Variants in IPCEF1 observed in about 807,000 individuals in gnomAD.
IPCEF1 encodes the protein interaction protein for cytohesin exchange factors 1.
IPCEF1 carries 31 observed loss-of-function variants against 50.9 expected under a neutral mutation model. The observed-to-expected ratio is 0.61, with a 90% confidence interval of 0.46 to 0.82. The LOEUF (loss-of-function observed/expected upper bound fraction) is 0.82. Among genes scored for constraint, IPCEF1 ranks in the 40% least tolerant of loss-of-function variants. IPCEF1 has a pLI of 0.00. For synonymous variants in IPCEF1, 181 were observed against 192.0 expected (o/e 0.94, Z 0.47); for missense variants, 458 against 514.0 (o/e 0.89, Z 1.05).
At chr6:154,309,983 T>C (rs895766960) in intron 1 of IPCEF1, among the ~76,000 whole-genome samples, 12 of 152,096 alleles carry the variant, frequency 7.9e-5, no homozygotes, top group African/African-American at 2.4e-4. Context: ...AGGCTGGTCT[T>C]GAACTCCTGA....
Position 154,180,386 on chromosome 6 carries a change from C to CTATA in IPCEF1, c.911-12277_911-12274dup, listed in dbSNP as rs58975780. Reference sequence around the variant, plus strand: ...TACTGAGCTAGTTTAACAACAACAACTATATATATATATATATATATATAT... The same window carrying CTATA: ...TACTGAGCTAGTTTAACAACAACAACTATATATATATATATATATATATATATAT... On this transcript the variant is annotated intron_variant, in intron 10 of 11. Coordinates refer to ENST00000367220, the MANE Select transcript of IPCEF1 (RefSeq NM_001130700.2). 9.4e-3 allele frequency among the ~76,000 whole-genome samples: 826 copies of CTATA among 88,164 alleles called. 3 individuals are homozygous for CTATA. Among genetic ancestry groups the CTATA allele is most frequent in the Middle Eastern group, 0.037 (6 of 160 alleles). The allele number at this position is 88,164 out of a possible 152,430, so 57.8% of individuals were successfully genotyped here.
chr6:154,183,058 C>T (rs1583730744), intron 10 of IPCEF1, among the ~76,000 whole-genome samples: 1 of 152,064 alleles, frequency 6.6e-6, no homozygotes, highest in African/African-American at 2.4e-5. Flanking sequence ...CAGCTCACTG[C>T]AACCTCTGCC....
intron 1 of IPCEF1, among the ~76,000 whole-genome samples, chr6:154,294,335 G>A (rs1338831409): frequency 6.6e-6 from 1 of 152,130 alleles, no homozygotes; most frequent in African/African-American, 2.4e-5. Context: ...ATCAAACTAT[G>A]TAACCACTTG....
intron 1 of IPCEF1, among the ~76,000 whole-genome samples, chr6:154,318,350 A>C (rs542138112): frequency 6.6e-6 from 1 of 152,320 alleles, no homozygotes; most frequent in South Asian, 2.1e-4. Flanking sequence ...CAATAAAATA[A>C]TTTAGGTCAC....
At chr6:154,200,175 A>G (rs1776948733) in intron 9 of IPCEF1, 135 bp from the exon 10 acceptor site, 5 of 766,124 alleles carry the variant, frequency 6.5e-6, no homozygotes, top group Non-Finnish European at 1.0e-5. Context: ...GTCAAAAGGT[A>G]AAGATATGAT....
At chr6:154,208,456 A>C (rs552169505) in intron 9 of IPCEF1, among the ~76,000 whole-genome samples, 1 of 152,198 alleles carries the variant, frequency 6.6e-6, no homozygotes, top group South Asian at 2.1e-4. Context: ...ATCCTGACTC[A>C]CTGGACTCCA....
chr6:154,159,761 A>C lies in IPCEF1; in HGVS notation c.*67T>G, dbSNP rs113844675. ...CAGTTTTCCTTTTAAGGAAAAATGT[A>C]AGCTTTTGCAACATCTTGAAGAGTT... On this transcript the variant is annotated 3_prime_UTR_variant, in exon 12 of 12. Transcript: ENST00000367220. 2.9e-3 allele frequency: 3,639 copies of C among 1,270,546 alleles called. 5 individuals carry two copies. Among genetic ancestry groups the C allele is most frequent in the Non-Finnish European group, 3.8e-3 (3,410 of 895,756 alleles). 78.7% of individuals were successfully genotyped at this position (1,270,546 alleles called of 1,614,324 possible).
intron 1 of IPCEF1, among the ~76,000 whole-genome samples, chr6:154,354,485 T>TCGC: frequency 2.1e-5 from 3 of 143,354 alleles, no homozygotes; most frequent in African/African-American, 7.9e-5. Flanking sequence ...ACCTCCACCA[T>TCGC]CTCTACCGTC....
chr6:154,272,141 C>T (rs1051631904), intron 2 of IPCEF1, among the ~76,000 whole-genome samples: 3 of 152,186 alleles, frequency 2.0e-5, no homozygotes, highest in African/African-American at 7.2e-5. Context: ...ATAACCAACT[C>T]ATAAGGTGTT....
chr6:154,173,129 C>T (rs1800013292), intron 10 of IPCEF1, among the ~76,000 whole-genome samples: 1 of 152,180 alleles, frequency 6.6e-6, no homozygotes, highest in Non-Finnish European at 1.5e-5. Context: ...TCAACATCAA[C>T]AAAAAGGAAG....
At chr6:154,351,152 G>A (rs992575960) in intron 1 of IPCEF1, among the ~76,000 whole-genome samples, 1 of 152,166 alleles carries the variant, frequency 6.6e-6, no homozygotes, top group Non-Finnish European at 1.5e-5. Context: ...TTTGATCTGC[G>A]GTGTTCCCGC....
rs763374684 is a variant in IPCEF1 at position 154,155,928 on chromosome 6, T to G, written c.*3900A>C. 2 of 152,242 alleles carry G rather than the reference T, an allele frequency of 1.3e-5. No homozygotes were observed. Among genetic ancestry groups the G allele is most frequent in the Non-Finnish European group, 1.5e-5 (1 of 68,032 alleles). 9.4% of individuals were successfully genotyped at this position (152,242 alleles called of 1,614,324 possible). On this transcript the variant is annotated 3_prime_UTR_variant, in exon 12 of 12. Transcript: ENST00000367220. ...TCATCTCTGTGACATTGTTTGTGACTGGAGTGCTACCTGAGTAAATTATCA... is the reference window on the plus strand; with the variant it reads ...TCATCTCTGTGACATTGTTTGTGACGGGAGTGCTACCTGAGTAAATTATCA...
chr6:154,296,215 C>T (rs192491223), intron 1 of IPCEF1, among the ~76,000 whole-genome samples: 3 of 152,088 alleles, frequency 2.0e-5, no homozygotes, highest in African/African-American at 4.8e-5. Context: ...AAGGGGTGCT[C>T]TTGTTGGGTT....
intron 2 of IPCEF1, among the ~76,000 whole-genome samples, chr6:154,281,106 G>A (rs1322212094): frequency 2.0e-5 from 3 of 150,408 alleles, no homozygotes; most frequent in African/African-American, 4.9e-5. Flanking sequence ...TTGGGAGGCC[G>A]AGGTGGGTGG....
chr6:154,237,526 A>G (rs781651938), intron 5 of IPCEF1, among the ~76,000 whole-genome samples: 1 of 152,244 alleles, frequency 6.6e-6, no homozygotes, highest in Non-Finnish European at 1.5e-5. Context: ...TTGTTTGTAT[A>G]CATTCCTTTG....
chr6:154,250,802 A>G (rs1781319213), intron 3 of IPCEF1, among the ~76,000 whole-genome samples: 1 of 152,248 alleles, frequency 6.6e-6, no homozygotes, highest in Non-Finnish European at 1.5e-5. Context: ...AGCAAAAACT[A>G]TACAGTGATA....
intron 2 of IPCEF1, among the ~76,000 whole-genome samples, chr6:154,276,197 GA>G (rs1782053995): frequency 6.9e-6 from 1 of 144,464 alleles, no homozygotes; most frequent in East Asian, 2.1e-4. Flanking sequence ...AGAAAAGAAA[GA>G]AAGAGAAAAA....
intron 1 of IPCEF1, among the ~76,000 whole-genome samples, chr6:154,334,498 C>T (rs1783747632): frequency 6.6e-6 from 1 of 152,202 alleles, no homozygotes; most frequent in South Asian, 2.1e-4. Context: ...TCCCAACCCA[C>T]CCAAGTGCAA....
chr6:154,307,001 C>T (rs1326491715), intron 1 of IPCEF1, among the ~76,000 whole-genome samples: 3 of 152,190 alleles, frequency 2.0e-5, no homozygotes, highest in Non-Finnish European at 2.9e-5. Flanking sequence ...CCGCAACAGA[C>T]ATTCATCCGC....
Sources: gnomAD v4.1 joint callset for allele counts (sites outside exome capture counted in the v4.1 genomes callset) on GRCh38, gnomAD v4.1.1 for gene constraint, MANE v1.5 for transcripts, NCBI Gene and HGNC (gene_info 2026-07-23, HGNC 2026-07-21) for gene names.